Variants in FAM131A observed in about 807,000 individuals in gnomAD.
FAM131A encodes the protein family with sequence similarity 131 member A.
Under a neutral mutation model 39.2 loss-of-function variants are expected in FAM131A, and 24 were observed. That is an observed-to-expected ratio of 0.61 (90% CI 0.44 to 0.86). FAM131A has a LOEUF of 0.86. Among genes scored for constraint, FAM131A ranks in the 40% least tolerant of loss-of-function variants. The pLI is 0.00. For missense variants in FAM131A, 373 were observed against 481.2 expected, an observed-to-expected ratio of 0.78 and a Z score of 2.10; for synonymous variants, 202 against 206.8, an observed-to-expected ratio of 0.98 and a Z score of 0.20.
At position 184,337,614 on chromosome 3, in the gene FAM131A, G is replaced by T; in HGVS notation, c.-17G>T. On this transcript the variant is annotated 5_prime_UTR_variant, in exon 1 of 6. Transcript: ENST00000383847. The stretch of plus-strand genomic sequence containing the variant: ...AGCGGTTCTGGGCTTTTGGTTCTCT[G>T]CATCAACACAGCCAGCATGCCTATG... 1 of 1,537,048 alleles carries T rather than the reference G, an allele frequency of 6.5e-7. No individual in the cohort carries two copies.
rs1365208744 is a variant in FAM131A, at chr3:184,342,351, A to G, written c.508+103A>G. 1.5e-6 allele frequency: 2 copies of G among 1,363,762 alleles called. No homozygotes were observed. The highest frequency in any genetic ancestry group is 2.9e-5 in the African/African-American group (2 of 68,294). 84.5% of individuals were successfully genotyped at this position (1,363,762 alleles called of 1,614,324 possible). A position where few individuals can be genotyped will look rare whatever the true frequency, so the allele number is the denominator to read the frequency against. On this transcript the variant is annotated intron_variant, in intron 4 of 5. Transcript: ENST00000383847. This position sits in a 1 kb window ranked among gnomAD's most constrained non-coding sequence, Gnocchi z 4.6. ...GAGACGGAGTCTCACTCTGTCGCCC[A>G]GGCTGGAGTGCAGTGATGCAATCTC...
Position 184,345,204 on chromosome 3 carries a change from G to C in FAM131A, c.*234G>C. 1 of 580,390 alleles carries C rather than the reference G, an allele frequency of 1.7e-6. No homozygotes were observed. Among genetic ancestry groups the C allele is most frequent in the East Asian group, 2.9e-5 (1 of 34,416 alleles). The allele number at this position is 580,390 out of a possible 1,614,324, so 36.0% of individuals were successfully genotyped here. On this transcript the variant is annotated 3_prime_UTR_variant, in exon 6 of 6. Coordinates refer to ENST00000383847, the MANE Select transcript of FAM131A (RefSeq NM_144635.5). ...CGGGGCTTGCCGGGGGTTGCCCGGG[G>C]CCTCTGGGGCATGGCTACAGCTGTG...
At chr3:184,337,384 G>T, upstream of FAM131A, 1 of 495,570 alleles carries the variant, frequency 2.0e-6, no homozygotes, top group Non-Finnish European at 3.6e-6. Flanking sequence ...CAGTTGTGAT[G>T]TACATTGCCT....
At chr3:184,338,772 C>T (rs1010583977) in intron 2 of FAM131A, 1 of 487,122 alleles carries the variant, frequency 2.1e-6, no homozygotes, top group East Asian at 3.8e-5. Flanking sequence ...TCCCGGGAGA[C>T]CCTGTTGCGT....
In FAM131A at chr3:184,342,170, T is replaced by C. The variant is rs760920649; in HGVS notation, c.430T>C (p.Ser144Pro). 3.1e-6 allele frequency: 5 copies of C among 1,614,194 alleles called. No homozygotes were observed. In the South Asian group the frequency reaches 5.5e-5, roughly 18 times the overall value. Reference sequence around the variant, plus strand: ...GAAGGGCTGGAGCAAGCCGAGTGACTCACCTGCTGCCCTGGAATCAGCCTT... The same window carrying C: ...GAAGGGCTGGAGCAAGCCGAGTGACCCACCTGCTGCCCTGGAATCAGCCTT... ...EWKGWSKPSD[S>P]PAALESAFSS... The change falls in exon 4 of 6, where the codon TCA (serine) becomes CCA (proline). Residue 144 changes from serine to proline, a missense_variant. By Grantham distance (74) the Ser-to-Pro change is moderately conservative. Around this residue, in one of 2 missense-constraint regions of FAM131A, gnomAD observed 221 missense variants for 347.7 expected, o/e 0.64. Transcript: ENST00000383847. This position sits in a 1 kb window ranked among gnomAD's most constrained non-coding sequence, Gnocchi z 4.6.
chr3:184,345,801 CCA>C lies in FAM131A; in HGVS notation c.*834_*835del, dbSNP rs1727629033. 5.3e-6 allele frequency: 3 copies of C among 569,822 alleles called. No individual in the cohort carries two copies. Among genetic ancestry groups the C allele is most frequent in the East Asian group, 3.0e-5 (1 of 33,246 alleles). 35.3% of individuals were successfully genotyped at this position (569,822 alleles called of 1,614,324 possible). A position where few individuals can be genotyped will look rare whatever the true frequency, so the allele number is the denominator to read the frequency against. On this transcript the variant is annotated 3_prime_UTR_variant, in exon 6 of 6. Transcript: ENST00000383847. ...GTGGAAGAAAGGATGGCTCTGGTTG[CCA>C]CAGAGCTGGGACTTCATGTTCTTCT...
At chr3:184,339,902 T>C (rs1727298421) in intron 2 of FAM131A, 3 of 152,482 alleles carry the variant, frequency 2.0e-5, no homozygotes, top group African/African-American at 7.2e-5. Flanking sequence ...TAGCGTAGGC[T>C]AGACAAGATT....
At position 184,341,929 on chromosome 3, in the gene FAM131A, TG is replaced by T. The variant is rs1560242627; in HGVS notation, c.325+113del. On this transcript the variant is annotated intron_variant, in intron 3 of 5. Transcript: ENST00000383847. ...TGCTGGGGTCTCCCCTTTCTTCCCT[TG>T]CTCAGGTGAATCTCAGCCCCTTCTC... 2.7e-6 allele frequency: 4 copies of T among 1,499,170 alleles called. No homozygotes were observed. The African/African-American group carries it at 5.5e-5, about 21-fold the overall frequency. The allele number at this position is 1,499,170 out of a possible 1,614,324, so 92.9% of individuals were successfully genotyped here.
Position 184,342,701 on chromosome 3 carries a change from C to A in FAM131A, c.509-43C>A, listed in dbSNP as rs369256278. On this transcript the variant is annotated intron_variant, in intron 4 of 5. Coordinates refer to ENST00000383847, the MANE Select transcript of FAM131A (RefSeq NM_144635.5). This position sits in a 1 kb window ranked among gnomAD's most constrained non-coding sequence, Gnocchi z 4.6. ...TCCTGTCTTCAAGCTGAGCCCTAGA[C>A]TTAGCTCACCTTCTCTGCTTATGCA... 1.3e-6 allele frequency: 2 copies of A among 1,552,758 alleles called. No individual in the cohort carries two copies. Among genetic ancestry groups the A allele is most frequent in the Non-Finnish European group, 1.8e-6 (2 of 1,127,916 alleles).
In FAM131A at chr3:184,342,680, G is replaced by GT; in HGVS notation, c.509-63dup. ...CCATACCCTGTTTCTCCTCTCTCCT[G>GT]TCTTCAAGCTGAGCCCTAGACTTAG... On this transcript the variant is annotated intron_variant, in intron 4 of 5. Coordinates refer to ENST00000383847, the MANE Select transcript of FAM131A (RefSeq NM_144635.5). The surrounding 1 kb of genome is among the most constrained non-coding windows in gnomAD (Gnocchi z 4.6). 1 of 1,439,098 alleles carries GT rather than the reference G, an allele frequency of 6.9e-7. No individual in the cohort carries two copies. The highest frequency in any genetic ancestry group is 1.7e-5 in the Admixed American group (1 of 57,156). 89.1% of individuals were successfully genotyped at this position (1,439,098 alleles called of 1,614,324 possible). A position where few individuals can be genotyped will look rare whatever the true frequency, so the allele number is the denominator to read the frequency against.
Position 184,342,359 on chromosome 3 carries a change from G to A in FAM131A, c.508+111G>A. The A allele has an allele frequency of 2.3e-6, 3 of 1,296,516 alleles. No homozygotes were observed. The highest frequency in any genetic ancestry group is 3.1e-6 in the Non-Finnish European group (3 of 971,778). 80.3% of individuals were successfully genotyped at this position (1,296,516 alleles called of 1,614,324 possible). The stretch of plus-strand genomic sequence containing the variant: ...GTCTCACTCTGTCGCCCAGGCTGGA[G>A]TGCAGTGATGCAATCTCAGCTCACT... On this transcript the variant is annotated intron_variant, in intron 4 of 5. Transcript: ENST00000383847. This position sits in a 1 kb window ranked among gnomAD's most constrained non-coding sequence, Gnocchi z 4.6.
At position 184,345,353 on chromosome 3, in the gene FAM131A, C is replaced by T. The variant is rs1344056026; in HGVS notation, c.*383C>T. On this transcript the variant is annotated 3_prime_UTR_variant, in exon 6 of 6. Transcript: ENST00000383847. ...GGGGTGGGAGGGGGCCCAGCAACCC[C>T]CCACCCTCCCCATGCCTCTCTCTTC... 6.7e-6 allele frequency: 4 copies of T among 600,882 alleles called. No individual in the cohort carries two copies. The highest frequency in any genetic ancestry group is 2.0e-5 in the South Asian group (1 of 49,776). The allele number at this position is 600,882 out of a possible 1,614,324, so 37.2% of individuals were successfully genotyped here.
chr3:184,337,762 G>T (rs963281717), intron 1 of FAM131A, 44 bp downstream of exon 1: 1 of 1,519,964 alleles, frequency 6.6e-7, no homozygotes. Flanking sequence ...ATGATGGGAA[G>T]CTGAGCAGTA....
At chr3:184,341,663 A>G in intron 2 of FAM131A, 61 bp from the exon 3 acceptor site, 1 of 1,417,894 alleles carries the variant, frequency 7.1e-7, no homozygotes, top group Non-Finnish European at 9.7e-7. Context: ...GGGTATGGGC[A>G]TGTTAGGGGG....
chr3:184,340,288 G>C (rs1441028384), intron 2 of FAM131A: 1 of 146,654 alleles, frequency 6.8e-6, no homozygotes, highest in Non-Finnish European at 1.5e-5. Flanking sequence ...ACAGGCGTGA[G>C]CCACCACGCC....
At chr3:184,341,893 C>G in intron 3 of FAM131A, 76 bp downstream of exon 3, 1 of 1,548,180 alleles carries the variant, frequency 6.5e-7, no homozygotes, top group Non-Finnish European at 8.9e-7. Flanking sequence ...GAACTGTTTC[C>G]TGTGAGTACA....
chr3:184,341,636 C>T, intron 2 of FAM131A, 88 bp from the exon 3 acceptor site: 1 of 1,074,226 alleles, frequency 9.3e-7, no homozygotes. Flanking sequence ...CTCCTGTCTC[C>T]TCCTCATGCC....
Position 184,342,734 on chromosome 3 carries a change from C to T in FAM131A, c.509-10C>T, listed in dbSNP as rs1243884387. Reference sequence around the variant, plus strand: ...ACCTTCTCTGCTTATGCATTCTGTCCCTGCGACAGGAGTGGCTGAGCAGTT... The same window carrying T: ...ACCTTCTCTGCTTATGCATTCTGTCTCTGCGACAGGAGTGGCTGAGCAGTT... On this transcript the variant is annotated splice_polypyrimidine_tract_variant and intron_variant, in intron 4 of 5. Coordinates refer to ENST00000383847, the MANE Select transcript of FAM131A (RefSeq NM_144635.5). This position sits in a 1 kb window ranked among gnomAD's most constrained non-coding sequence, Gnocchi z 4.6. The T allele has an allele frequency of 6.2e-7, 1 of 1,611,114 alleles. No homozygotes were observed. The highest frequency in any genetic ancestry group is 1.1e-5 in the South Asian group (1 of 90,942).
upstream of FAM131A, chr3:184,337,538 T>A (rs1727174074): frequency 7.9e-6 from 9 of 1,138,654 alleles, no homozygotes; most frequent in Non-Finnish European, 1.1e-5. Context: ...GGGAGGGGAC[T>A]GGCTCAGCAT....
Sources: allele counts gnomAD v4.1 joint callset, GRCh38; gene constraint gnomAD v4.1.1; regional missense constraint gnomAD v4.1.1; non-coding constraint Gnocchi (gnomAD v3.1); transcripts MANE v1.5; gene names NCBI Gene and HGNC (gene_info 2026-07-23, HGNC 2026-07-21).